P4HA1: variants seen among roughly 807,000 people sequenced by gnomAD.
The protein encoded by P4HA1 is prolyl 4-hydroxylase subunit alpha-1.
P4HA1 carries 24 observed loss-of-function variants against 72.8 expected under a neutral mutation model. The ratio of observed to expected loss-of-function variants is 0.33; its 90% CI spans 0.24 to 0.46. The LOEUF (loss-of-function observed/expected upper bound fraction) is 0.46, where lower values mean the gene tolerates loss of function less well. Among genes scored for constraint, P4HA1 ranks in the 20% least tolerant of loss-of-function variants. P4HA1 has a pLI of 1.00. For missense variants in P4HA1, 446 were observed against 640.6 expected, an observed-to-expected ratio of 0.70 and a Z score of 3.28; for synonymous variants, 201 against 218.8, an observed-to-expected ratio of 0.92 and a Z score of 0.72.
chr10:73,019,730 G>GAA lies in P4HA1; in HGVS notation c.1249-2833_1249-2832dup, dbSNP rs3066045. Among the ~76,000 whole-genome samples, 13 of 65,224 alleles carry GAA rather than the reference G, an allele frequency of 2.0e-4. 1 individual carries two copies. The highest frequency in any genetic ancestry group is 1.8e-3 in the East Asian group (3 of 1,692). 42.8% of individuals were successfully genotyped at this position (65,224 alleles called of 152,430 possible). A position where few individuals can be genotyped will look rare whatever the true frequency, so the allele number is the denominator to read the frequency against. ...GGCGACAGAGCGAGACTCTGTCTCA[G>GAA]AAAAAAAAAAAAAAAAAGAATTCAA... On this transcript the variant is annotated intron_variant, in intron 10 of 14. Coordinates refer to ENST00000394890, the MANE Select transcript of P4HA1 (RefSeq NM_001017962.3).
intron 9 of P4HA1, among the ~76,000 whole-genome samples, chr10:73,042,972 T>G (rs993377673): frequency 8.6e-5 from 13 of 151,506 alleles, no homozygotes; most frequent in Middle Eastern, 3.2e-3. Flanking sequence ...TGAAAATCTT[T>G]TATTTATCAC....
At position 73,013,431 on chromosome 10, in the gene P4HA1, A is replaced by G. The variant is rs144611105; in HGVS notation, c.1368+793T>C. On this transcript the variant is annotated intron_variant, in intron 12 of 14. Transcript: ENST00000394890. ...CACATGTATTGGCCAGACTTTAGGC[A>G]TTCTGGCTGACAGCCAGCCTCAACC... 2.9e-4 allele frequency among the ~76,000 whole-genome samples: 44 copies of G among 152,362 alleles called. No individual in the cohort carries two copies. In the East Asian group the frequency reaches 6.7e-3, roughly 23 times the overall value.
intron 9 of P4HA1, among the ~76,000 whole-genome samples, chr10:73,030,742 T>C (rs557565911): frequency 2.6e-5 from 4 of 152,288 alleles, no homozygotes; most frequent in East Asian, 1.9e-4. Flanking sequence ...GAACTGACTA[T>C]GGTGGAAGTC....
At chr10:73,043,970 A>G (rs749187426) in intron 9 of P4HA1, 2 of 1,605,148 alleles carry the variant, frequency 1.2e-6, no homozygotes, top group South Asian at 1.1e-5. Flanking sequence ...ACAAAAAAAG[A>G]GAAAGGACAA....
intron 10 of P4HA1, among the ~76,000 whole-genome samples, chr10:73,018,479 G>A (rs1840060471): frequency 6.6e-6 from 1 of 152,134 alleles, no homozygotes; most frequent in Admixed American, 6.5e-5. Context: ...AGTCATTGCT[G>A]TGCTGCTCTC....
At chr10:73,068,799 G>C (rs536013981) in intron 5 of P4HA1, 47 bp downstream of exon 5, 2 of 1,504,594 alleles carry the variant, frequency 1.3e-6, no homozygotes, top group African/African-American at 2.7e-5. Context: ...GGACTCAACA[G>C]AGAAGCTAGG....
At chr10:73,024,572 T>C (rs978250652) in intron 10 of P4HA1, among the ~76,000 whole-genome samples, 9 of 151,714 alleles carry the variant, frequency 5.9e-5, no homozygotes, top group Non-Finnish European at 1.0e-4. Flanking sequence ...AACATCACAA[T>C]TAAAAGAACA....
intron 9 of P4HA1, among the ~76,000 whole-genome samples, chr10:73,042,196 T>C (rs1196499281): frequency 6.6e-6 from 1 of 152,078 alleles, no homozygotes; most frequent in Non-Finnish European, 1.5e-5. Context: ...GAAAAAAAAT[T>C]TTTCTCTCTT....
intron 9 of P4HA1, among the ~76,000 whole-genome samples, chr10:73,043,443 A>T (rs1262979271): frequency 6.6e-6 from 1 of 152,222 alleles, no homozygotes; most frequent in Non-Finnish European, 1.5e-5. Flanking sequence ...CTAATAACCT[A>T]ATAAGATTAT....
At chr10:73,041,497 C>T (rs915138783) in intron 9 of P4HA1, among the ~76,000 whole-genome samples, 5 of 150,724 alleles carry the variant, frequency 3.3e-5, no homozygotes, top group Middle Eastern at 3.4e-3. Context: ...GCCAAGATTG[C>T]GCCACTGCAC....
At chr10:73,093,927 CAT>C (rs1377948559) in intron 1 of P4HA1, among the ~76,000 whole-genome samples, 227 of 117,306 alleles carry the variant, frequency 1.9e-3, no homozygotes, top group East Asian at 5.3e-3. Context: ...CACACACACA[CAT>C]ACTCATTTTA....
intron 10 of P4HA1, among the ~76,000 whole-genome samples, chr10:73,018,339 A>AGT (rs1840055632): frequency 6.6e-6 from 1 of 152,234 alleles, no homozygotes; most frequent in Non-Finnish European, 1.5e-5. Flanking sequence ...GGGCTGAAGT[A>AGT]GTACCCAGAG....
In P4HA1 at chr10:73,083,598, A is replaced by G. The variant is rs535785205; in HGVS notation, c.-32-8683T>C. 5.3e-5 allele frequency among the ~76,000 whole-genome samples: 8 copies of G among 152,298 alleles called. No individual in the cohort carries two copies. The South Asian group carries it at 1.5e-3, about 28-fold the overall frequency. ...AACACACACTTATGTTTTGCTTATGACACCTCCTCCACCCCTTTTCTCTTT... is the reference window on the plus strand; with the variant it reads ...AACACACACTTATGTTTTGCTTATGGCACCTCCTCCACCCCTTTTCTCTTT... On this transcript the variant is annotated intron_variant, in intron 1 of 14. Coordinates refer to ENST00000394890, the MANE Select transcript of P4HA1 (RefSeq NM_001017962.3).
intron 9 of P4HA1, among the ~76,000 whole-genome samples, chr10:73,030,724 A>G (rs113754589): frequency 2.4e-4 from 36 of 152,324 alleles, no homozygotes; most frequent in Non-Finnish European, 4.1e-4. Flanking sequence ...TTTCCAGGTA[A>G]GGTATAGGAA....
At chr10:73,062,695 G>A (rs919358432) in intron 5 of P4HA1, among the ~76,000 whole-genome samples, 3 of 152,170 alleles carry the variant, frequency 2.0e-5, no homozygotes, top group South Asian at 2.1e-4. Context: ...GCCCAGAACC[G>A]GACTTAGCTA....
At chr10:73,087,268 A>ATTTT (rs370759559) in intron 1 of P4HA1, among the ~76,000 whole-genome samples, 2 of 130,750 alleles carry the variant, frequency 1.5e-5, no homozygotes, top group African/African-American at 2.8e-5. Context: ...TAATGCCTTT[A>ATTTT]TTTTTTTTTT....
intron 5 of P4HA1, among the ~76,000 whole-genome samples, chr10:73,066,630 G>A (rs952270294): frequency 2.6e-5 from 4 of 151,980 alleles, no homozygotes; most frequent in Non-Finnish European, 4.4e-5. Context: ...TGATCCTCCC[G>A]TGATATGGTT....
chr10:73,025,017 G>A (rs1212083057), intron 10 of P4HA1, among the ~76,000 whole-genome samples: 1 of 152,156 alleles, frequency 6.6e-6, no homozygotes, highest in Non-Finnish European at 1.5e-5. Context: ...AAAAAGTTCA[G>A]GACCAGATGG....
intron 5 of P4HA1, among the ~76,000 whole-genome samples, chr10:73,056,469 T>A (rs1399247649): frequency 1.3e-5 from 2 of 151,264 alleles, no homozygotes; most frequent in African/African-American, 4.9e-5. Flanking sequence ...CTGTCTCTAC[T>A]AAAAATATAA....
Sources: allele counts gnomAD v4.1 joint callset (sites outside exome capture counted in the v4.1 genomes callset), GRCh38; gene constraint gnomAD v4.1.1; transcripts MANE v1.5; gene names NCBI Gene and HGNC (gene_info 2026-07-23, HGNC 2026-07-21).